The following ZNF385D variants were observed in gnomAD, a reference collection of about 807,000 sequenced individuals.
ZNF385D encodes the protein zinc finger protein 659.
In ZNF385D, 15 loss-of-function variants were observed where a neutral mutation model predicts 35.8. The observed-to-expected ratio is 0.42, with a 90% CI of 0.28 to 0.64. The LOEUF (loss-of-function observed/expected upper bound fraction) is 0.64. ZNF385D is among the 30% of genes least tolerant of loss of function. The probability of loss-of-function intolerance (pLI) is 0.23; values close to 1 mark genes in which losing one functional copy is unlikely to be tolerated. For missense variants in ZNF385D, 474 were observed against 494.6 expected (o/e 0.96, Z 0.39); for synonymous variants, 212 against 186.8 (o/e 1.13, Z -1.10).
chr3:21,797,930 A>G (rs1284787571), intron 3 of ZNF385D, among the ~76,000 whole-genome samples: 1 of 152,208 alleles, frequency 6.6e-6, no homozygotes, highest in Non-Finnish European at 1.5e-5. Flanking sequence ...CCATGGAAAT[A>G]TACCATTATA....
intron 3 of ZNF385D, among the ~76,000 whole-genome samples, chr3:22,167,787 A>G (rs1706432863): frequency 6.6e-6 from 1 of 152,204 alleles, no homozygotes; most frequent in African/African-American, 2.4e-5. Flanking sequence ...TCTGACCACA[A>G]TTTTTGTTTC....
intron 3 of ZNF385D, among the ~76,000 whole-genome samples, chr3:22,070,805 A>G (rs1700192654): frequency 2.0e-5 from 3 of 152,338 alleles, no homozygotes; most frequent in African/African-American, 7.2e-5. Context: ...GAACAAGTTT[A>G]TTTCCAATGA....
intron 4 of ZNF385D, chr3:21,459,303 T>TACCAAATAATTATG (rs1232976439): frequency 6.6e-6 from 1 of 152,136 alleles, no homozygotes; most frequent in African/African-American, 2.4e-5. Flanking sequence ...ACTAATTATG[T>TACCAAATAATTATG]TACTATAATT....
chr3:21,815,477 A>G lies in ZNF385D; in HGVS notation c.326-150449T>C, dbSNP rs377135144. On this transcript the variant is annotated intron_variant, in intron 3 of 5. Coordinates refer to the ZNF385D transcript ENST00000494108. ...AGAAAAGAGAGAAGAATCAGACGCA[A>G]TAAAAAATGATAAAGGGGATATCAC... Among the ~76,000 whole-genome samples, 9 of 152,196 alleles carry G rather than the reference A, an allele frequency of 5.9e-5. No individual in the cohort carries two copies. In the East Asian group the frequency reaches 7.8e-4, roughly 13 times the overall value.
At chr3:21,832,215 C>A (rs1289694327) in intron 3 of ZNF385D, among the ~76,000 whole-genome samples, 5 of 152,162 alleles carry the variant, frequency 3.3e-5, no homozygotes, top group African/African-American at 1.2e-4. Context: ...CATCTACTTT[C>A]ATTTTTAAAA....
In ZNF385D at chr3:21,641,883, C is replaced by T. The variant is rs187686975; in HGVS notation, c.165+23003G>A. Among the ~76,000 whole-genome samples the T allele has an allele frequency of 8.5e-5, 13 of 152,132 alleles. No homozygotes were observed. In the East Asian group the frequency reaches 2.3e-3, roughly 27 times the overall value. Reference sequence around the variant, plus strand: ...GGGCATTCTAAAATATCAAGCTGCACACATAAATAGGCAAGCTGGAAGCTT... The same window carrying T: ...GGGCATTCTAAAATATCAAGCTGCATACATAAATAGGCAAGCTGGAAGCTT... On this transcript the variant is annotated intron_variant, in intron 2 of 7. Coordinates refer to ENST00000281523, the MANE Select transcript of ZNF385D (RefSeq NM_024697.3).
At position 22,205,148 on chromosome 3, in the gene ZNF385D, G is replaced by A. The variant is rs187054991; in HGVS notation, c.107-36113C>T. On this transcript the variant is annotated intron_variant, in intron 2 of 5. Coordinates refer to the ZNF385D transcript ENST00000494108. Reference sequence around the variant, plus strand: ...AATGAAATAAATGGCATCCAATGAAGCTCCAAAATATCTGGCAGCACACTT... The same window carrying A: ...AATGAAATAAATGGCATCCAATGAAACTCCAAAATATCTGGCAGCACACTT... Among the ~76,000 whole-genome samples the A allele has an allele frequency of 2.6e-3, 390 of 152,066 alleles. 2 individuals are homozygous for A. Among genetic ancestry groups the A allele is most frequent in the Admixed American group, 8.1e-3 (123 of 15,228 alleles).
At chr3:21,798,063 G>A (rs59296408) in intron 3 of ZNF385D, among the ~76,000 whole-genome samples, 26,441 of 152,140 alleles carry the variant, frequency 0.17, 2,597 homozygotes, top group Non-Finnish European at 0.22. Context: ...CAAGTTCATG[G>A]ATTGTAACAA....
intron 2 of ZNF385D, among the ~76,000 whole-genome samples, chr3:21,595,312 C>G (rs190060392): frequency 2.6e-5 from 4 of 152,182 alleles, no homozygotes; most frequent in Non-Finnish European, 5.9e-5. Context: ...GGTCTTCACT[C>G]TGGCACACCT....
chr3:21,776,030 T>C (rs1331886286), intron 3 of ZNF385D, among the ~76,000 whole-genome samples: 8 of 151,852 alleles, frequency 5.3e-5, no homozygotes, highest in Non-Finnish European at 1.2e-4. Flanking sequence ...TAAAATTTTA[T>C]AGTATTTCTT....
intron 2 of ZNF385D, among the ~76,000 whole-genome samples, chr3:22,318,399 T>C (rs1405830327): frequency 6.6e-6 from 1 of 152,100 alleles, no homozygotes; most frequent in Admixed American, 6.5e-5. Context: ...GATCGATCAA[T>C]AAAGAACCAG....
intron 3 of ZNF385D, among the ~76,000 whole-genome samples, chr3:21,849,487 T>C (rs1052529709): frequency 3.3e-5 from 5 of 151,736 alleles, no homozygotes; most frequent in Non-Finnish European, 4.4e-5. Context: ...GAATAAAATA[T>C]AAAAGAAAGC....
At chr3:21,957,605 G>A (rs2125311194) in intron 3 of ZNF385D, among the ~76,000 whole-genome samples, 2 of 152,186 alleles carry the variant, frequency 1.3e-5, no homozygotes, top group South Asian at 4.1e-4. Context: ...CATGCATAAG[G>A]TATTGCTTGA....
At chr3:21,485,801 C>T (rs1192939679) in intron 4 of ZNF385D, among the ~76,000 whole-genome samples, 1 of 152,024 alleles carries the variant, frequency 6.6e-6, no homozygotes, top group Non-Finnish European at 1.5e-5. Flanking sequence ...TGTTACTTGA[C>T]AGATGAAGAA....
intron 2 of ZNF385D, among the ~76,000 whole-genome samples, chr3:22,253,265 T>A (rs1200686836): frequency 6.6e-6 from 1 of 151,762 alleles, no homozygotes; most frequent in Non-Finnish European, 1.5e-5. Context: ...AATGGTAGGA[T>A]GGGAAAAAGT....
At chr3:21,723,874 GA>G (rs2068644727) in intron 1 of ZNF385D, among the ~76,000 whole-genome samples, 1 of 152,034 alleles carries the variant, frequency 6.6e-6, no homozygotes, top group Non-Finnish European at 1.5e-5. Context: ...GGAAATGAAG[GA>G]AAAAATGTTA....
chr3:22,230,041 G>C (rs1698794657), intron 2 of ZNF385D, among the ~76,000 whole-genome samples: 1 of 152,166 alleles, frequency 6.6e-6, no homozygotes, highest in Admixed American at 6.5e-5. Context: ...TTTATATCTT[G>C]ATAGACTTAG....
At chr3:21,537,004 G>A (rs1488669712) in intron 3 of ZNF385D, among the ~76,000 whole-genome samples, 1 of 151,292 alleles carries the variant, frequency 6.6e-6, no homozygotes, top group African/African-American at 2.4e-5. Context: ...CACTTGTCAA[G>A]GAAGCAAAAT....
intron 3 of ZNF385D, among the ~76,000 whole-genome samples, chr3:22,109,408 C>T (rs766632259): frequency 2.0e-5 from 3 of 152,166 alleles, no homozygotes; most frequent in Non-Finnish European, 2.9e-5. Context: ...GCTACCACTA[C>T]AGAAGCATGT....
Sources: gnomAD v4.1 joint callset for allele counts (sites outside exome capture counted in the v4.1 genomes callset) on GRCh38, gnomAD v4.1.1 for gene constraint, MANE v1.5 for transcripts, NCBI Gene and HGNC (gene_info 2026-07-23, HGNC 2026-07-21) for gene names.